Variants in ACOT12 observed in about 807,000 individuals in gnomAD.
The protein encoded by ACOT12 is acetyl-coenzyme A thioesterase.
In ACOT12, 51 loss-of-function variants were observed where a neutral mutation model predicts 67.7. That is an observed-to-expected ratio of 0.75 (90% CI 0.60 to 0.95). The LOEUF is 0.95. Ranked by LOEUF, ACOT12 falls within the 40% of genes least tolerant of loss-of-function variation. The probability of loss-of-function intolerance (pLI) is 0.00; values close to 1 mark genes in which losing one functional copy is unlikely to be tolerated. For synonymous variants in ACOT12, 251 were observed against 244.6 expected (o/e 1.03, Z -0.24); for missense variants, 734 against 708.1 (o/e 1.04, Z -0.41).
the ACOT12 span, among the ~76,000 whole-genome samples, chr5:81,323,897 C>T: frequency 1.9e-3 from 285 of 146,272 alleles, no homozygotes; most frequent in Admixed American, 3.3e-3. Context: ...TACATATATA[C>T]GTATATATAC....
intron 5 of ACOT12, among the ~76,000 whole-genome samples, chr5:81,355,218 TC>T (rs1286888951): frequency 1.3e-5 from 2 of 152,208 alleles, no homozygotes; most frequent in African/African-American, 4.8e-5. Context: ...CCTGACACTT[TC>T]TATATTAACT....
chr5:81,330,876 T>G lies in ACOT12; in HGVS notation c.1456A>C (p.Ile486Leu). The G allele has an allele frequency of 6.2e-7, 1 of 1,614,072 alleles. No homozygotes were observed. The highest frequency in any genetic ancestry group is 2.2e-5 in the East Asian group (1 of 44,888). Residue 486 changes from isoleucine (I) to leucine (L), a missense_variant, in exon 14 of 15, where the codon ATC (isoleucine) becomes CTC (leucine). Ile to Leu is a conservative substitution (Grantham distance 5, BLOSUM62 2). Transcript: ENST00000307624. ...CCGGCACATATGATTTCACTTCTGA[T>G]GTACTGTGGAGACGGGGGGACCGAT... ...LPSVPPSPQY[I>L]RSEIICAGFL...
intron 3 of ACOT12, among the ~76,000 whole-genome samples, chr5:81,367,877 A>C (rs899501325): frequency 6.6e-6 from 1 of 152,240 alleles, no homozygotes; most frequent in South Asian, 2.1e-4. Flanking sequence ...GGGGAAAAAA[A>C]CACTAAACCA....
chr5:81,385,749 T>TC lies in ACOT12; in HGVS notation c.197+7dup. The TC allele has an allele frequency of 6.2e-7, 1 of 1,613,924 alleles. No individual in the cohort carries two copies. ...AGGAGAAAGGAGCCATGGAGCAATGTCACTTACCTAGCTGTCTCCTCAAAC... is the reference window on the plus strand; with the variant it reads ...AGGAGAAAGGAGCCATGGAGCAATGTCCACTTACCTAGCTGTCTCCTCAAAC... On this transcript the variant is annotated splice_region_variant and intron_variant, in intron 2 of 14. Coordinates refer to ENST00000307624, the MANE Select transcript of ACOT12 (RefSeq NM_130767.3).
intron 10 of ACOT12, among the ~76,000 whole-genome samples, chr5:81,343,091 G>A (rs1759253029): frequency 6.6e-6 from 1 of 152,108 alleles, no homozygotes; most frequent in Non-Finnish European, 1.5e-5. Context: ...TGAGGCAGAA[G>A]AATCGCTTGA....
intron 1 of ACOT12, among the ~76,000 whole-genome samples, chr5:81,390,825 T>C (rs914824527): frequency 4.6e-5 from 7 of 152,224 alleles, no homozygotes; most frequent in African/African-American, 9.6e-5. Flanking sequence ...AGCACAGTTA[T>C]ACTAGCTGCT....
At chr5:81,362,117 T>C (rs1347571914) in intron 4 of ACOT12, among the ~76,000 whole-genome samples, 1 of 152,154 alleles carries the variant, frequency 6.6e-6, no homozygotes, top group Non-Finnish European at 1.5e-5. Flanking sequence ...CAGAACCCAG[T>C]TCTCCAGTCT....
At chr5:81,362,929 G>A (rs1217979520) in intron 4 of ACOT12, among the ~76,000 whole-genome samples, 1 of 152,158 alleles carries the variant, frequency 6.6e-6, no homozygotes, top group East Asian at 1.9e-4. Flanking sequence ...TGAGAGTGCA[G>A]GCCAGGCTCC....
chr5:81,363,680 T>C, intron 4 of ACOT12, 108 bp downstream of exon 4: 1 of 685,892 alleles, frequency 1.5e-6, no homozygotes, highest in South Asian at 2.8e-5. Context: ...CTTGGGGAAG[T>C]ATATCTCATG....
At chr5:81,353,583 A>G (rs1028940514) in intron 5 of ACOT12, among the ~76,000 whole-genome samples, 2 of 152,230 alleles carry the variant, frequency 1.3e-5, no homozygotes, top group Non-Finnish European at 2.9e-5. Flanking sequence ...TGATTTTCTT[A>G]CTCAAAAATT....
chr5:81,324,251 G>A, the ACOT12 span, among the ~76,000 whole-genome samples: 4 of 152,112 alleles, frequency 2.6e-5, no homozygotes, highest in Non-Finnish European at 5.9e-5. Context: ...GGGAAGATAG[G>A]TTATAATCCA....
downstream of ACOT12, among the ~76,000 whole-genome samples, chr5:81,329,773 T>C (rs372742989): frequency 6.6e-6 from 1 of 152,226 alleles, no homozygotes; most frequent in Non-Finnish European, 1.5e-5. Flanking sequence ...ACAGGTACCT[T>C]GTGTGTCTAT....
At chr5:81,385,868 T>A in intron 1 of ACOT12, 42 bp from the exon 2 acceptor site, 4 of 1,569,750 alleles carry the variant, frequency 2.5e-6, no homozygotes, top group Non-Finnish European at 3.5e-6. Flanking sequence ...AGTGGTGATA[T>A]GAGAATATTT....
chr5:81,334,824 A>G (rs1758945922), intron 12 of ACOT12, among the ~76,000 whole-genome samples: 1 of 152,200 alleles, frequency 6.6e-6, no homozygotes, highest in Admixed American at 6.5e-5. Context: ...CAGGGTGCAC[A>G]GCTCTGTACT....
At chr5:81,349,414 T>C (rs1300110742) in intron 5 of ACOT12, among the ~76,000 whole-genome samples, 1 of 152,164 alleles carries the variant, frequency 6.6e-6, no homozygotes, top group East Asian at 1.9e-4. Flanking sequence ...ACGCTGGTCT[T>C]TTTTCACTTC....
intron 5 of ACOT12, among the ~76,000 whole-genome samples, chr5:81,353,236 T>G (rs538461814): frequency 6.6e-6 from 1 of 152,190 alleles, no homozygotes; most frequent in African/African-American, 2.4e-5. Flanking sequence ...AGAAATATAT[T>G]GAGTTAGATG....
At chr5:81,386,771 A>G (rs770653125) in intron 1 of ACOT12, among the ~76,000 whole-genome samples, 1 of 152,124 alleles carries the variant, frequency 6.6e-6, no homozygotes, top group Non-Finnish European at 1.5e-5. Context: ...GTATTAATTG[A>G]TAGTCCTAGG....
intron 7 of ACOT12, among the ~76,000 whole-genome samples, 158 bp from the exon 8 acceptor site, chr5:81,345,199 C>T (rs183675983): frequency 6.6e-6 from 1 of 152,260 alleles, no homozygotes; most frequent in East Asian, 1.9e-4. Context: ...CAAACCTGTG[C>T]AACTATTAAA....
the ACOT12 span, chr5:81,309,211 C>G: frequency 2.1e-6 from 1 of 476,244 alleles, no homozygotes. Flanking sequence ...TGCAATTTGA[C>G]TTCAGATGTT....
Sources: allele counts gnomAD v4.1 joint callset (sites outside exome capture counted in the v4.1 genomes callset), GRCh38; gene constraint gnomAD v4.1.1; transcripts MANE v1.5; gene names NCBI Gene and HGNC (gene_info 2026-07-23, HGNC 2026-07-21).